The following FUT1 variants were observed in gnomAD, a reference collection of about 807,000 sequenced individuals.
FUT1 encodes the protein galactoside alpha-(1,2)-fucosyltransferase 1.
For synonymous variants in FUT1, 215 were observed against 208.7 expected (o/e 1.03, Z -0.26); for missense variants, 476 against 492.7 (o/e 0.97, Z 0.32).
In FUT1 at chr19:48,748,685, C is replaced by T. The variant is rs1235596381; in HGVS notation, c.*1499G>A. On this transcript the variant is annotated 3_prime_UTR_variant, in exon 2 of 2. Transcript: ENST00000645652. ...CAAACAAAAAAAAGTCTTTGAGGGG[C>T]TGTGGGGCTTGTTGGACAGAGTCCC... 6.6e-6 allele frequency: 1 copy of T among 152,334 alleles called. No individual in the cohort carries two copies. The highest frequency in any genetic ancestry group is 1.5e-5 in the Non-Finnish European group (1 of 68,036). The allele number at this position is 152,334 out of a possible 1,614,324, so 9.4% of individuals were successfully genotyped here.
rs749593829 is a variant in FUT1 at position 48,750,514 on chromosome 19, G to C, written c.768C>G (p.Pro256=). The change falls in exon 2 of 2, where the codon CCC becomes CCG. Residue 256 remains proline, a synonymous_variant. Transcript: ENST00000645652. ...TGCCGTTGCTGGTGACCACGAAAAC[G>C]GGGGCTTCGTGCCGTGCCCGGAACC... ...MDWFRARHEA[P]VFVVTSNGME... 12 of 1,613,752 alleles carry C rather than the reference G, an allele frequency of 7.4e-6. No homozygotes were observed. The East Asian group carries it at 2.2e-4, about 30-fold the overall frequency.
At chr19:48,751,668 T>A (rs972504102) in intron 1 of FUT1, among the ~76,000 whole-genome samples, 2 of 151,882 alleles carry the variant, frequency 1.3e-5, no homozygotes, top group African/African-American at 2.4e-5. Context: ...TAGCTTGGCA[T>A]GGGCCAGGCG....
rs2033940147 is a variant in FUT1, at chr19:48,748,448, C to T, written c.*1736G>A. 6.6e-6 allele frequency: 1 copy of T among 152,356 alleles called. No individual in the cohort carries two copies. The highest frequency in any genetic ancestry group is 2.4e-5 in the African/African-American group (1 of 41,408). The allele number at this position is 152,356 out of a possible 1,614,324, so 9.4% of individuals were successfully genotyped here. On this transcript the variant is annotated 3_prime_UTR_variant, in exon 2 of 2. Transcript: ENST00000645652. ...CCTGCACACTTCCAGAAAACAGATC[C>T]CAGACCCTCAGCAGCCCACCTGCAG... is the stretch of plus-strand genomic sequence containing the variant.
intron 1 of FUT1, 122 bp from the exon 2 acceptor site, chr19:48,751,405 G>A: frequency 1.9e-6 from 2 of 1,068,686 alleles, no homozygotes; most frequent in Non-Finnish European, 2.8e-6. Context: ...GAAAGAGGAA[G>A]TTAAAGGTTT....
upstream of FUT1, chr19:48,752,747 G>C: frequency 1.0e-6 from 1 of 985,338 alleles, no homozygotes; most frequent in Non-Finnish European, 1.2e-6. The surrounding 1 kb of genome is among the most constrained non-coding windows in gnomAD (Gnocchi z 4.3). Flanking sequence ...AGCCCCGCCC[G>C]TCACTTGGCG....
rs2034017501 is a variant in FUT1, at chr19:48,752,325, A to G, written c.-3+165T>C. Among the ~76,000 whole-genome samples, 1 of 152,088 alleles carries G rather than the reference A, an allele frequency of 6.6e-6. No homozygotes were observed. Among genetic ancestry groups the G allele is most frequent in the Non-Finnish European group, 1.5e-5 (1 of 68,010 alleles). On this transcript the variant is annotated intron_variant, in intron 1 of 1. Coordinates refer to ENST00000645652, the MANE Select transcript of FUT1 (RefSeq NM_001384359.1). The surrounding 1 kb of genome is among the most constrained non-coding windows in gnomAD (Gnocchi z 4.3). ...AAACAAGAGAGGCTGGAGGGTCAGG[A>G]GCGGAAGGAGCATCTTGGTTCCTGG...
In FUT1 at chr19:48,751,265, TGGCTCC is replaced by T. The variant is rs773728522; in HGVS notation, c.11_16del (p.Arg4_Ser5del). The T allele has an allele frequency of 7.4e-6, 12 of 1,613,886 alleles. No individual in the cohort carries two copies. Among genetic ancestry groups the T allele is most frequent in the Non-Finnish European group, 9.3e-6 (11 of 1,180,006 alleles). On this transcript the variant is annotated inframe_deletion, in exon 2 of 2. Transcript: ENST00000645652. ...CAGGAAGGCCAGGCAGAGCTGACGA[TGGCTCC>T]GGAGCCACATGGCTGCAGGGGAGGA...
Position 48,752,540 on chromosome 19 carries a change from C to T in FUT1, c.-53G>A. On this transcript the variant is annotated 5_prime_UTR_variant, in exon 1 of 2. Transcript: ENST00000645652. This position sits in a 1 kb window ranked among gnomAD's most constrained non-coding sequence, Gnocchi z 4.3. ...CACAGTCCGCTTTTCGTGGCCGGAG[C>T]GCACCCTCCGCAAAGGCAGGCCACA... 1 of 985,456 alleles carries T rather than the reference C, an allele frequency of 1.0e-6. No individual in the cohort carries two copies. The highest frequency in any genetic ancestry group is 1.2e-6 in the Non-Finnish European group (1 of 829,944). The allele number at this position is 985,456 out of a possible 1,614,324, so 61.0% of individuals were successfully genotyped here.
chr19:48,754,324 G>A (rs2034054701), upstream of FUT1, among the ~76,000 whole-genome samples: 1 of 152,156 alleles, frequency 6.6e-6, no homozygotes, highest in Non-Finnish European at 1.5e-5. Context: ...CAGGATGACT[G>A]CGGGCAGGCC....
chr19:48,752,741 C>T (rs537040609), upstream of FUT1: 18 of 985,308 alleles, frequency 1.8e-5, no homozygotes, highest in Admixed American at 6.1e-5. This position sits in a 1 kb window ranked among gnomAD's most constrained non-coding sequence, Gnocchi z 4.3. Context: ...AGGTGGAGCC[C>T]CGCCCGTCAC....
rs71179040 is a variant in FUT1, at chr19:48,752,109, TAAAAAAAAAAAAA to T, written c.-3+368_-3+380del. Among the ~76,000 whole-genome samples the T allele has an allele frequency of 6.3e-3, 628 of 100,182 alleles. 7 individuals are homozygous for T. Among genetic ancestry groups the T allele is most frequent in the African/African-American group, 0.023 (579 of 25,548 alleles). The allele number at this position is 100,182 out of a possible 152,430, so 65.7% of individuals were successfully genotyped here. A position where few individuals can be genotyped will look rare whatever the true frequency, so the allele number is the denominator to read the frequency against. ...TGCGCGACAGAGAGGGACCCTGTCT[TAAAAAAAAAAAAA>T]AAAAAAAAAAAAGAAAGTGGTCCAG... On this transcript the variant is annotated intron_variant, in intron 1 of 1. Transcript: ENST00000645652. This position sits in a 1 kb window ranked among gnomAD's most constrained non-coding sequence, Gnocchi z 4.3.
At chr19:48,754,598 T>C (rs972038908), upstream of FUT1, among the ~76,000 whole-genome samples, 1 of 152,200 alleles carries the variant, frequency 6.6e-6, no homozygotes, top group Non-Finnish European at 1.5e-5. Flanking sequence ...ATATTAGTTA[T>C]ACAACAAAGA....
At position 48,749,290 on chromosome 19, in the gene FUT1, C is replaced by CAAAA. The variant is rs28745911; in HGVS notation, c.*893_*894insTTTT. The CAAAA allele has an allele frequency of 0.37, 55,067 of 147,046 alleles. 11,395 individuals carry two copies. Among genetic ancestry groups the CAAAA allele is most frequent in the African/African-American group, 0.56 (22,392 of 39,998 alleles). The allele number at this position is 147,046 out of a possible 1,614,324, so 9.1% of individuals were successfully genotyped here. A position where few individuals can be genotyped will look rare whatever the true frequency, so the allele number is the denominator to read the frequency against. On this transcript the variant is annotated 3_prime_UTR_variant, in exon 2 of 2. Coordinates refer to ENST00000645652, the MANE Select transcript of FUT1 (RefSeq NM_001384359.1). ...TGGGCTACAGAGCAAGACTCCGTCT[C>CAAAA]AATAAATAAATAAATAAATAAATAA...
rs758022699 is a variant in FUT1 at position 48,750,222 on chromosome 19, CAT to C, written c.1058_1059del (p.Asn353SerfsTer11). ...AAFLPEWVGI[N>X]ADLSPLWTLA... ...AATGTCCAGAGTGGAGACAAGTCTG[CAT>C]TAATGCCCACCCACTCGGGCAGGAA... On this transcript the variant is annotated frameshift_variant, in exon 2 of 2. Transcript: ENST00000645652. LOFTEE classifies it low-confidence loss of function (END_TRUNC). The C allele has an allele frequency of 3.1e-6, 5 of 1,611,692 alleles. No individual in the cohort carries two copies. The African/African-American group carries it at 6.7e-5, about 22-fold the overall frequency.
In FUT1 at chr19:48,749,827, G is replaced by C; in HGVS notation, c.*357C>G. On this transcript the variant is annotated 3_prime_UTR_variant, in exon 2 of 2. Transcript: ENST00000645652. The stretch of plus-strand genomic sequence containing the variant: ...CAATCATATGCTCCTTCAGTCTTTG[G>C]AGGACCCAGGGGAGAAGTAACCCCT... The C allele has an allele frequency of 3.0e-6, 1 of 335,636 alleles. No homozygotes were observed. Among genetic ancestry groups the C allele is most frequent in the Non-Finnish European group, 5.7e-6 (1 of 176,270 alleles). The allele number at this position is 335,636 out of a possible 1,614,324, so 20.8% of individuals were successfully genotyped here.
At chr19:48,751,724 G>A (rs1049020390) in intron 1 of FUT1, among the ~76,000 whole-genome samples, 1 of 152,174 alleles carries the variant, frequency 6.6e-6, no homozygotes, top group Non-Finnish European at 1.5e-5. Context: ...GGCCAAGGTG[G>A]GTGGATCACC....
upstream of FUT1, chr19:48,752,906 G>A: frequency 2.0e-6 from 2 of 985,514 alleles, no homozygotes; most frequent in Non-Finnish European, 2.4e-6. This position sits in a 1 kb window ranked among gnomAD's most constrained non-coding sequence, Gnocchi z 4.3. Context: ...CTTCTGAGCA[G>A]CCGCAGCATC....
At position 48,750,177 on chromosome 19, in the gene FUT1, C is replaced by G; in HGVS notation, c.*7G>C. The G allele has an allele frequency of 6.2e-7, 1 of 1,605,650 alleles. No homozygotes were observed. The highest frequency in any genetic ancestry group is 8.5e-7 in the Non-Finnish European group (1 of 1,176,192). On this transcript the variant is annotated 3_prime_UTR_variant, in exon 2 of 2. Transcript: ENST00000645652. ...GATCAGGCTACTTCAGAAAGTCTCC[C>G]TGGCTCTCAAGGCTTAGCCAATGTC...
chr19:48,751,344 G>A lies in FUT1; in HGVS notation c.-2-61C>T, dbSNP rs1455490985. On this transcript the variant is annotated intron_variant, in intron 1 of 1. Coordinates refer to ENST00000645652, the MANE Select transcript of FUT1 (RefSeq NM_001384359.1). ...GAGGCTGAGGAGGGGAGGCTGAGGA[G>A]GGATGTGGGGTAAGGGAGGCGCCTG... 2.5e-6 allele frequency: 4 copies of A among 1,581,816 alleles called. No homozygotes were observed. The African/African-American group carries it at 4.0e-5, about 16-fold the overall frequency.
Sources: gnomAD v4.1 joint callset for allele counts (sites outside exome capture counted in the v4.1 genomes callset) on GRCh38, gnomAD v4.1.1 for gene constraint, Gnocchi (gnomAD v3.1) non-coding constraint, MANE v1.5 for transcripts, NCBI Gene and HGNC (gene_info 2026-07-23, HGNC 2026-07-21) for gene names.